SHROOM4: variants seen among roughly 807,000 people sequenced by gnomAD.
The protein encoded by SHROOM4 is shroom family member 4.
Under a neutral mutation model 80.3 loss-of-function variants are expected in SHROOM4, and 17 were observed. The ratio of observed to expected loss-of-function variants is 0.21; its 90% CI spans 0.14 to 0.32. SHROOM4 has a LOEUF of 0.32. SHROOM4 is among the 10% of genes least tolerant of loss of function. The pLI is 1.00. For missense variants in SHROOM4, 993 were observed against 1,140.3 expected (o/e 0.87, Z 1.86); for synonymous variants, 400 against 437.5 (o/e 0.91, Z 1.07).
chrX:50,627,307 C>T lies in SHROOM4; in HGVS notation c.2957+307G>A, dbSNP rs190057484. ...TACCTCTTGAGCAACTTCTCTGTAT[C>T]GGGCACCGTACTAGGTACAGAGAAT... On this transcript the variant is annotated intron_variant, in intron 5 of 8. Transcript: ENST00000376020. Among the ~76,000 whole-genome samples, 11 of 111,444 alleles carry T rather than the reference C, an allele frequency of 9.9e-5. No homozygotes were observed. The East Asian group carries it at 2.8e-3, about 29-fold the overall frequency.
chrX:50,753,277 T>C (rs1009689807), intron 1 of SHROOM4, among the ~76,000 whole-genome samples: 3 of 111,843 alleles, frequency 2.7e-5, no homozygotes, highest in Non-Finnish European at 3.8e-5. Flanking sequence ...TTTAAGAGAG[T>C]TACTCTCCCA....
chrX:50,713,051 C>T (rs782680511), intron 1 of SHROOM4, among the ~76,000 whole-genome samples: 1 of 110,535 alleles, frequency 9.0e-6, no homozygotes, highest in Non-Finnish European at 1.9e-5. Flanking sequence ...GGAAGCAACT[C>T]GAGAGCAGGC....
downstream of SHROOM4, among the ~76,000 whole-genome samples, chrX:50,581,897 C>T (rs190864576): frequency 3.3e-4 from 37 of 111,022 alleles, no homozygotes; most frequent in African/African-American, 1.2e-3. Flanking sequence ...CATCATTTGG[C>T]TAAACCGCAG....
chrX:50,724,761 A>G (rs1196714216), intron 1 of SHROOM4, among the ~76,000 whole-genome samples: 1 of 112,743 alleles, frequency 8.9e-6, no homozygotes, highest in Non-Finnish European at 1.9e-5. Flanking sequence ...GGTTACAGGC[A>G]TGAGCCACCG....
At chrX:50,726,649 C>A (rs1928382463) in intron 1 of SHROOM4, among the ~76,000 whole-genome samples, 1 of 112,901 alleles carries the variant, frequency 8.9e-6, no homozygotes, top group Non-Finnish European at 1.9e-5. Context: ...AAGCCTCAAA[C>A]CTTGGTGGCT....
chrX:50,724,936 G>A (rs892384658), intron 1 of SHROOM4, among the ~76,000 whole-genome samples: 1 of 112,073 alleles, frequency 8.9e-6, no homozygotes, highest in African/African-American at 3.2e-5. Context: ...TGAGGAGCTC[G>A]GTGGATCCTC....
rs138161829 is a variant in SHROOM4 at position 50,644,275 on chromosome X, T to C, written c.270-5967A>G. ...GTGTTTGGGGTCAGTGTCCCTGGATTTGCCATGAATTCACTCTGACCTCTG... is the reference window on the plus strand; with the variant it reads ...GTGTTTGGGGTCAGTGTCCCTGGATCTGCCATGAATTCACTCTGACCTCTG... On this transcript the variant is annotated intron_variant, in intron 2 of 8. Coordinates refer to ENST00000376020, the MANE Select transcript of SHROOM4 (RefSeq NM_020717.5). 8.1e-3 allele frequency among the ~76,000 whole-genome samples: 902 copies of C among 111,999 alleles called. 4 individuals are homozygous for C. Among genetic ancestry groups the C allele is most frequent in the Non-Finnish European group, 0.013 (693 of 53,170 alleles).
intron 6 of SHROOM4, among the ~76,000 whole-genome samples, chrX:50,603,985 G>C (rs1929559279): frequency 8.9e-6 from 1 of 111,745 alleles, no homozygotes; most frequent in Non-Finnish European, 1.9e-5. Flanking sequence ...ACCTCTAGCT[G>C]TTTGAAAGGG....
At chrX:50,581,439 A>ATATAC in the SHROOM4 span, among the ~76,000 whole-genome samples, 8 of 111,621 alleles carry the variant, frequency 7.2e-5, no homozygotes, top group Admixed American at 3.8e-4. Context: ...GATGAATAAC[A>ATATAC]TATACTGACA....
chrX:50,657,101 A>G (rs1557259528), intron 2 of SHROOM4, among the ~76,000 whole-genome samples: 1 of 111,484 alleles, frequency 9.0e-6, no homozygotes, highest in Non-Finnish European at 1.9e-5. Flanking sequence ...TTACAGGGTA[A>G]CTTTGTATCC....
At chrX:50,793,564 T>C (rs782372645) in intron 1 of SHROOM4, among the ~76,000 whole-genome samples, 34 of 104,828 alleles carry the variant, frequency 3.2e-4, no homozygotes, top group African/African-American at 1.1e-3. Context: ...CATTGCTTTT[T>C]AGTCAAATTT....
At chrX:50,813,136 T>TGGC (rs782457315) in intron 1 of SHROOM4, among the ~76,000 whole-genome samples, 1,775 of 97,707 alleles carry the variant, frequency 0.018, 22 homozygotes, top group Middle Eastern at 0.055. Flanking sequence ...AAACAAACCC[T>TGGC]GGCGGCGGCG....
At chrX:50,661,873 A>G (rs113107867) in intron 2 of SHROOM4, among the ~76,000 whole-genome samples, 3,364 of 111,419 alleles carry the variant, frequency 0.03, 145 homozygotes, top group African/African-American at 0.1. Context: ...TCTTCCCTAG[A>G]TATAGAAATC....
At chrX:50,630,167 T>G (rs1483135185) in intron 4 of SHROOM4, among the ~76,000 whole-genome samples, 1 of 110,864 alleles carries the variant, frequency 9.0e-6, no homozygotes, top group Non-Finnish European at 1.9e-5. Flanking sequence ...AAATCGTACC[T>G]CCATCTCTTA....
chrX:50,750,094 A>C (rs1173777347), intron 1 of SHROOM4, among the ~76,000 whole-genome samples: 1 of 111,622 alleles, frequency 9.0e-6, no homozygotes, highest in East Asian at 2.8e-4. Flanking sequence ...GAATGGAATG[A>C]TTGATATAGA....
intron 1 of SHROOM4, among the ~76,000 whole-genome samples, chrX:50,715,828 C>T (rs1933935978): frequency 9.3e-6 from 1 of 107,495 alleles, no homozygotes; most frequent in African/African-American, 3.4e-5. Context: ...ATAAAACTAC[C>T]CTATCATCCA....
chrX:50,655,724 C>T (rs1375396654), intron 2 of SHROOM4, among the ~76,000 whole-genome samples: 2 of 109,277 alleles, frequency 1.8e-5, no homozygotes, highest in African/African-American at 6.6e-5. Flanking sequence ...CTGTAATAAA[C>T]ATGGGAGTGC....
In SHROOM4 at chrX:50,814,023, G is replaced by C; in HGVS notation, c.-5C>G. 3.4e-6 allele frequency: 4 copies of C among 1,188,858 alleles called. No individual in the cohort carries two copies. The highest frequency in any genetic ancestry group is 4.6e-6 in the Non-Finnish European group (4 of 876,781). On this transcript the variant is annotated 5_prime_UTR_variant, in exon 1 of 9. Coordinates refer to ENST00000376020, the MANE Select transcript of SHROOM4 (RefSeq NM_020717.5). ...GGACCCAGGCCGGTTCTCCATCCTCGGCTGGGCTCAGGCGCCGCCGGGCTC... is the reference window on the plus strand; with the variant it reads ...GGACCCAGGCCGGTTCTCCATCCTCCGCTGGGCTCAGGCGCCGCCGGGCTC...
intron 1 of SHROOM4, among the ~76,000 whole-genome samples, chrX:50,804,922 G>A (rs1040829830): frequency 2.7e-5 from 3 of 110,283 alleles, no homozygotes; most frequent in African/African-American, 9.9e-5. Flanking sequence ...GCCAATTTAA[G>A]TTAATACAGA....
Sources: allele counts gnomAD v4.1 joint callset (sites outside exome capture counted in the v4.1 genomes callset), GRCh38; gene constraint gnomAD v4.1.1; transcripts MANE v1.5; gene names NCBI Gene and HGNC (gene_info 2026-07-23, HGNC 2026-07-21).